The following INPP4B variants were observed in gnomAD, a reference collection of about 807,000 sequenced individuals.
INPP4B encodes the protein inositol polyphosphate 4-phosphatase type II.
A neutral mutation model predicts 122.5 loss-of-function variants in INPP4B; 55 were observed. That is an observed-to-expected ratio of 0.45 (90% confidence interval 0.36 to 0.56). The LOEUF (loss-of-function observed/expected upper bound fraction) is 0.56, where lower values mean the gene tolerates loss of function less well. Among genes scored for constraint, INPP4B ranks in the 20% least tolerant of loss-of-function variants. The pLI is 0.00. For synonymous variants in INPP4B, 403 were observed against 388.7 expected, an observed-to-expected ratio of 1.04 and a Z score of -0.43; for missense variants, 1,000 against 1,097.7, an observed-to-expected ratio of 0.91 and a Z score of 1.26.
chr4:142,585,778 G>GA (rs1736037542), intron 2 of INPP4B, among the ~76,000 whole-genome samples: 1 of 151,800 alleles, frequency 6.6e-6, no homozygotes. Context: ...ACTTGAGTTA[G>GA]GAGGTAGAGA....
At chr4:142,622,634 G>C (rs1745213928) in intron 2 of INPP4B, among the ~76,000 whole-genome samples, 1 of 151,892 alleles carries the variant, frequency 6.6e-6, no homozygotes, top group Non-Finnish European at 1.5e-5. Context: ...GGGAGAAAGA[G>C]AAAACTCAAA....
chr4:142,492,593 G>A (rs1560719080), intron 2 of INPP4B, among the ~76,000 whole-genome samples: 1 of 152,162 alleles, frequency 6.6e-6, no homozygotes, highest in Non-Finnish European at 1.5e-5. Flanking sequence ...TGGAGTAAAG[G>A]TCACTCTTGC....
intron 1 of INPP4B, among the ~76,000 whole-genome samples, chr4:142,726,683 GT>G (rs774681279): frequency 5.3e-5 from 8 of 152,138 alleles, no homozygotes; most frequent in Non-Finnish European, 1.2e-4. Context: ...CCTTAAGAAA[GT>G]TATTTGGCTG....
chr4:142,335,131 AAG>A (rs1554038279), intron 7 of INPP4B, among the ~76,000 whole-genome samples: 15 of 150,678 alleles, frequency 1.0e-4, no homozygotes, highest in African/African-American at 3.4e-4. Context: ...AAAAAAAAAA[AAG>A]TCTGAGTATC....
At chr4:142,545,735 A>ATGTGTG (rs1491415711) in intron 2 of INPP4B, among the ~76,000 whole-genome samples, 1 of 80,228 alleles carries the variant, frequency 1.2e-5, no homozygotes, top group African/African-American at 5.8e-5. Context: ...GTATATACAC[A>ATGTGTG]TATATGTGTA....
chr4:142,226,975 T>C (rs998971555), intron 12 of INPP4B, among the ~76,000 whole-genome samples: 5 of 152,234 alleles, frequency 3.3e-5, no homozygotes, highest in African/African-American at 9.6e-5. Flanking sequence ...TTTAGACACG[T>C]TGAGTTGGAG....
chr4:142,582,356 A>G (rs1305269990), intron 2 of INPP4B, among the ~76,000 whole-genome samples: 2 of 152,138 alleles, frequency 1.3e-5, no homozygotes. Context: ...AAGAGAAAGG[A>G]GCATAGGCAG....
At chr4:142,615,779 G>A (rs1258970763) in intron 2 of INPP4B, among the ~76,000 whole-genome samples, 5 of 152,098 alleles carry the variant, frequency 3.3e-5, no homozygotes, top group Non-Finnish European at 7.4e-5. Flanking sequence ...TCTTCAGTCA[G>A]TGGGGGACTT....
intron 7 of INPP4B, chr4:142,384,138 A>G (rs1340440981): frequency 2.8e-6 from 2 of 701,932 alleles, no homozygotes; most frequent in Non-Finnish European, 5.2e-6. Flanking sequence ...AAGTGTGATC[A>G]GTAAGTTTCC....
At position 142,096,453 on chromosome 4, in the gene INPP4B, T is replaced by C. The variant is rs1781827097; in HGVS notation, c.2375-10197A>G. 2.0e-5 allele frequency among the ~76,000 whole-genome samples: 3 copies of C among 152,296 alleles called. No individual in the cohort carries two copies. In the South Asian group the frequency reaches 6.2e-4, roughly 32 times the overall value. On this transcript the variant is annotated intron_variant, in intron 23 of 25. Coordinates refer to ENST00000262992, the MANE Select transcript of INPP4B (RefSeq NM_001101669.3). Reference sequence around the variant, plus strand: ...GTGGACCTTTGTATATGTATATGTGTGTCTACCTTTGTTGCTTGTACTGCT... The same window carrying C: ...GTGGACCTTTGTATATGTATATGTGCGTCTACCTTTGTTGCTTGTACTGCT...
intron 2 of INPP4B, among the ~76,000 whole-genome samples, chr4:142,538,835 A>G (rs533574039): frequency 6.6e-6 from 1 of 152,098 alleles, no homozygotes; most frequent in African/African-American, 2.4e-5. Context: ...ACTTCCCTCA[A>G]CTTATAATTA....
intron 5 of INPP4B, among the ~76,000 whole-genome samples, chr4:142,412,020 C>A (rs935323556): frequency 6.6e-6 from 1 of 152,104 alleles, no homozygotes; most frequent in African/African-American, 2.4e-5. Flanking sequence ...GCCTAGGGGG[C>A]AGTTTTTTAT....
intron 23 of INPP4B, 53 bp from the exon 24 acceptor site, chr4:142,086,309 A>G: frequency 1.1e-6 from 1 of 938,626 alleles, no homozygotes; most frequent in Non-Finnish European, 1.7e-6. Context: ...GTTCACATTA[A>G]GCTGCCCATG....
Position 142,472,693 on chromosome 4 carries a change from C to T in INPP4B, c.-190-9967G>A, listed in dbSNP as rs755972027. Reference sequence around the variant, plus strand: ...TGAGTCTGTATCAATCTATGATTTCCGTAGGCCACCTGTTTCTCCAAAGCA... The same window carrying T: ...TGAGTCTGTATCAATCTATGATTTCTGTAGGCCACCTGTTTCTCCAAAGCA... On this transcript the variant is annotated intron_variant, in intron 2 of 25. Transcript: ENST00000262992. 1.6e-4 allele frequency among the ~76,000 whole-genome samples: 24 copies of T among 152,188 alleles called. 1 individual carries two copies. In the Middle Eastern group the frequency reaches 0.01, roughly 65 times the overall value.
chr4:142,809,298 A>G (rs1056549978), intron 1 of INPP4B, among the ~76,000 whole-genome samples: 1 of 152,178 alleles, frequency 6.6e-6, no homozygotes, highest in Non-Finnish European at 1.5e-5. Context: ...ATGTAATATA[A>G]GAAAAGACGT....
chr4:142,724,457 TA>T (rs1765089357), intron 2 of INPP4B, among the ~76,000 whole-genome samples: 1 of 152,112 alleles, frequency 6.6e-6, no homozygotes, highest in Non-Finnish European at 1.5e-5. Context: ...AGCACTTTTC[TA>T]GCATTTATCT....
intron 2 of INPP4B, among the ~76,000 whole-genome samples, chr4:142,497,513 T>C (rs1445104320): frequency 2.0e-5 from 3 of 152,166 alleles, no homozygotes; most frequent in East Asian, 1.9e-4. Context: ...ATCCAAAAGA[T>C]GTTTCATAGT....
chr4:142,413,298 T>A (rs1298521250), intron 5 of INPP4B, among the ~76,000 whole-genome samples: 3 of 152,142 alleles, frequency 2.0e-5, no homozygotes, highest in African/African-American at 7.2e-5. Flanking sequence ...AGTACTAATT[T>A]TAGGTTTCTA....
intron 11 of INPP4B, among the ~76,000 whole-genome samples, chr4:142,242,059 C>T (rs929034479): frequency 1.3e-5 from 2 of 152,136 alleles, no homozygotes; most frequent in Non-Finnish European, 2.9e-5. Flanking sequence ...ATTAATTATT[C>T]AGCTAAATGT....
Sources: gnomAD v4.1 joint callset for allele counts (sites outside exome capture counted in the v4.1 genomes callset) on GRCh38, gnomAD v4.1.1 for gene constraint, MANE v1.5 for transcripts, NCBI Gene and HGNC (gene_info 2026-07-23, HGNC 2026-07-21) for gene names.